Variants in TOM1L2 observed in about 807,000 individuals in gnomAD.
TOM1L2 encodes TOM1-like protein 2.
TOM1L2 carries 31 observed loss-of-function variants against 67.9 expected under a neutral mutation model. That is an observed-to-expected ratio of 0.46 (90% CI 0.34 to 0.62). The LOEUF is 0.62. Among genes scored for constraint, TOM1L2 ranks in the 20% least tolerant of loss-of-function variants. TOM1L2 has a pLI of 0.01. For synonymous variants in TOM1L2, 256 were observed against 254.0 expected (o/e 1.01, Z -0.07); for missense variants, 606 against 663.5 (o/e 0.91, Z 0.95).
chr17:17,895,349 C>T (rs999290139), intron 3 of TOM1L2, among the ~76,000 whole-genome samples: 1 of 152,184 alleles, frequency 6.6e-6, no homozygotes, highest in African/African-American at 2.4e-5. Context: ...CTAATCCAAC[C>T]ACTGGTTAAC....
Position 17,882,819 on chromosome 17 carries a change from T to C in TOM1L2, c.546A>G (p.Gln182=), listed in dbSNP as rs746114940. Residue 182 remains glutamine (Q), a synonymous_variant, in exon 6 of 15, where the codon CAA becomes CAG. Coordinates refer to ENST00000379504, the MANE Select transcript of TOM1L2 (RefSeq NM_001082968.2). ...VDPAATMPRS[Q]SQQRTSAGSY... is the part of the protein sequence containing the mutation. The stretch of plus-strand genomic sequence containing the variant: ...AACCAGCACTTGTCCTCTGCTGTGA[T>C]TGGGACCTGGGCATGGTCGCAGCTG... 35 of 1,614,066 alleles carry C rather than the reference T, an allele frequency of 2.2e-5. No individual in the cohort carries two copies. The highest frequency in any genetic ancestry group is 9.3e-5 in the African/African-American group (7 of 74,924).
chr17:17,873,315 C>T (rs1030333265), intron 7 of TOM1L2, among the ~76,000 whole-genome samples: 1 of 152,186 alleles, frequency 6.6e-6, no homozygotes, highest in Non-Finnish European at 1.5e-5. Flanking sequence ...ACACGTACTT[C>T]CCATTTATTC....
rs545123910 is a variant in TOM1L2, at chr17:17,886,524, G to A, written c.367-1756C>T. On this transcript the variant is annotated intron_variant, in intron 4 of 14. Coordinates refer to ENST00000379504, the MANE Select transcript of TOM1L2 (RefSeq NM_001082968.2). Reference sequence around the variant, plus strand: ...TCAAAATCCAGCTAAGTCCTGTGACGCCAACCTCAAAATGCCCTAGCATTT... The same window carrying A: ...TCAAAATCCAGCTAAGTCCTGTGACACCAACCTCAAAATGCCCTAGCATTT... 5.1e-4 allele frequency among the ~76,000 whole-genome samples: 78 copies of A among 152,340 alleles called. 1 individual carries two copies. The highest frequency in any genetic ancestry group is 6.9e-4 in the Non-Finnish European group (47 of 68,040).
chr17:17,917,310 G>A (rs1158116386), intron 1 of TOM1L2, among the ~76,000 whole-genome samples: 1 of 151,848 alleles, frequency 6.6e-6, no homozygotes, highest in Non-Finnish European at 1.5e-5. Flanking sequence ...CTCCAGCCTG[G>A]GCGACAGAGC....
At chr17:17,968,162 C>T (rs1472972493) in intron 1 of TOM1L2, among the ~76,000 whole-genome samples, 12 of 152,212 alleles carry the variant, frequency 7.9e-5, no homozygotes, top group Non-Finnish European at 4.4e-5. Flanking sequence ...AGCATGTTAC[C>T]TCTACCGAAG....
Position 17,862,832 on chromosome 17 carries a change from G to T in TOM1L2, c.1101C>A (p.Ser367Arg). 6.2e-7 allele frequency: 1 copy of T among 1,614,016 alleles called. No individual in the cohort carries two copies. The highest frequency in any genetic ancestry group is 8.5e-7 in the Non-Finnish European group (1 of 1,179,926). ...QLAGLDLGTE[S>R]VSGTLSSLQQ... ...GGAGTGAACTGAGGGTGCCACTGAC[G>T]CTCTCTGTCCCCAAGTCTGTGGCAA... The change falls in exon 11 of 15, where the codon AGC (serine) becomes AGA (arginine). Residue 367 changes from serine to arginine, a missense_variant. Coordinates refer to ENST00000379504, the MANE Select transcript of TOM1L2 (RefSeq NM_001082968.2).
chr17:17,911,752 TAAAC>T (rs1183613038), intron 1 of TOM1L2, among the ~76,000 whole-genome samples: 1 of 149,510 alleles, frequency 6.7e-6, no homozygotes, highest in Non-Finnish European at 1.5e-5. Flanking sequence ...GGTCAGCAGA[TAAAC>T]AAGTGAACAA....
intron 7 of TOM1L2, among the ~76,000 whole-genome samples, chr17:17,873,684 C>T (rs1024703445): frequency 3.3e-5 from 5 of 152,354 alleles, no homozygotes; most frequent in Admixed American, 6.5e-5. Context: ...GTGCTGGGGA[C>T]GAAGCTGCAG....
chr17:17,866,545 A>G, intron 9 of TOM1L2, 126 bp from the exon 10 acceptor site: 1 of 1,272,876 alleles, frequency 7.9e-7, no homozygotes, highest in South Asian at 1.6e-5. Flanking sequence ...GTACAGAAGC[A>G]AGGCCACTTC....
rs185549052 is a variant in TOM1L2, at chr17:17,956,515, C to T, written c.52+15747G>A. ...GCGCCTGCACTCCTCAGCCCTTGGG[C>T]GGTCGATGGGACCGGGCGCAGTGGA... On this transcript the variant is annotated intron_variant, in intron 1 of 14. Coordinates refer to ENST00000379504, the MANE Select transcript of TOM1L2 (RefSeq NM_001082968.2). 2.3e-3 allele frequency among the ~76,000 whole-genome samples: 353 copies of T among 152,364 alleles called. 2 individuals carry two copies. The highest frequency in any genetic ancestry group is 4.0e-3 in the Non-Finnish European group (274 of 68,034).
intron 4 of TOM1L2, among the ~76,000 whole-genome samples, chr17:17,889,631 T>C: frequency 6.6e-6 from 1 of 152,204 alleles, no homozygotes; most frequent in African/African-American, 2.4e-5. Context: ...GGCACGTCTG[T>C]GTGGCCCCTT....
intron 3 of TOM1L2, among the ~76,000 whole-genome samples, chr17:17,894,121 C>T (rs953078017): frequency 4.6e-5 from 7 of 152,182 alleles, no homozygotes; most frequent in Non-Finnish European, 5.9e-5. Context: ...AATGACTGAG[C>T]GGTCCCTGAA....
chr17:17,877,125 A>C (rs895174219), intron 7 of TOM1L2, among the ~76,000 whole-genome samples: 2 of 152,230 alleles, frequency 1.3e-5, no homozygotes, highest in Admixed American at 6.5e-5. Flanking sequence ...ATGAGTCTGC[A>C]GGCAAACAGC....
At chr17:17,907,583 C>T in intron 1 of TOM1L2, 52 bp from the exon 2 acceptor site, 4 of 1,558,304 alleles carry the variant, frequency 2.6e-6, no homozygotes, top group Non-Finnish European at 3.5e-6. Flanking sequence ...ATAAGTGGGC[C>T]TTGGCAGGAA....
At chr17:17,956,054 G>A (rs1216398848) in intron 1 of TOM1L2, among the ~76,000 whole-genome samples, 4 of 152,122 alleles carry the variant, frequency 2.6e-5, no homozygotes, top group African/African-American at 4.8e-5. Context: ...GACTCATGGA[G>A]TAAGCAGCAA....
chr17:17,885,924 C>CAAAA (rs35579807), intron 4 of TOM1L2, among the ~76,000 whole-genome samples: 10 of 66,194 alleles, frequency 1.5e-4, no homozygotes, highest in East Asian at 4.9e-4. Context: ...GACTCCGTCT[C>CAAAA]AAAAAAAAAA....
intron 7 of TOM1L2, among the ~76,000 whole-genome samples, chr17:17,872,847 T>C (rs2037221188): frequency 6.6e-6 from 1 of 152,216 alleles, no homozygotes; most frequent in Admixed American, 6.5e-5. Flanking sequence ...GCCCTGGCTG[T>C]CCTTGGCTGG....
intron 1 of TOM1L2, among the ~76,000 whole-genome samples, chr17:17,968,664 C>CA (rs11298542): frequency 8.2e-4 from 95 of 115,868 alleles, no homozygotes; most frequent in Admixed American, 2.5e-3. Flanking sequence ...GACTCCATCT[C>CA]AAAAAAAAAA....
At position 17,891,642 on chromosome 17, in the gene TOM1L2, C is replaced by T. The variant is rs529253479; in HGVS notation, c.366+2019G>A. 3.9e-5 allele frequency among the ~76,000 whole-genome samples: 6 copies of T among 152,314 alleles called. No homozygotes were observed. The East Asian group carries it at 1.2e-3, about 29-fold the overall frequency. On this transcript the variant is annotated intron_variant, in intron 4 of 14. Transcript: ENST00000379504. ...CAGGCCTCGGGGTCAGAAAGCTCTA[C>T]CACAGGACATGCTTTGTGAGAAGAA... is the stretch of plus-strand genomic sequence containing the variant.
Sources: gnomAD v4.1 joint callset for allele counts (sites outside exome capture counted in the v4.1 genomes callset) on GRCh38, gnomAD v4.1.1 for gene constraint, MANE v1.5 for transcripts, NCBI Gene and HGNC (gene_info 2026-07-23, HGNC 2026-07-21) for gene names.